Variants in CCDC91 observed in about 807,000 individuals in gnomAD.
The protein encoded by CCDC91 is coiled-coil domain-containing protein 91.
Under a neutral mutation model 63.2 loss-of-function variants are expected in CCDC91, and 48 were observed. That is an observed-to-expected ratio of 0.76 (90% CI 0.60 to 0.97). The LOEUF (loss-of-function observed/expected upper bound fraction) is 0.97. CCDC91 is among the 50% of genes least tolerant of loss of function. The pLI is 0.00. For synonymous variants in CCDC91, 167 were observed against 165.8 expected (o/e 1.01, Z -0.06); for missense variants, 500 against 494.6 (o/e 1.01, Z -0.10).
At chr12:28,460,329 T>G (rs1365479544) in intron 11 of CCDC91, among the ~76,000 whole-genome samples, 1 of 152,132 alleles carries the variant, frequency 6.6e-6, no homozygotes, top group Non-Finnish European at 1.5e-5. Context: ...TAACTGCTTT[T>G]TTTCCCCTCA....
intron 7 of CCDC91, among the ~76,000 whole-genome samples, chr12:28,384,481 A>C (rs763111659): frequency 6.6e-6 from 1 of 152,174 alleles, no homozygotes; most frequent in African/African-American, 2.4e-5. Context: ...TCAATGCTAC[A>C]TATTTTCATT....
intron 7 of CCDC91, among the ~76,000 whole-genome samples, chr12:28,390,853 G>A (rs777893636): frequency 6.6e-6 from 1 of 151,868 alleles, no homozygotes; most frequent in Non-Finnish European, 1.5e-5. Context: ...TTGGCCCATG[G>A]GATATTACAG....
At chr12:28,395,541 C>T (rs1349830072) in intron 8 of CCDC91, among the ~76,000 whole-genome samples, 8 of 152,068 alleles carry the variant, frequency 5.3e-5, no homozygotes, top group Admixed American at 1.3e-4. Context: ...ATTTTACTTA[C>T]GTTTCTTGGT....
intron 6 of CCDC91, among the ~76,000 whole-genome samples, chr12:28,325,253 T>C (rs1337996365): frequency 6.6e-6 from 1 of 152,052 alleles, no homozygotes; most frequent in African/African-American, 2.4e-5. Flanking sequence ...ATACCGTAAG[T>C]GATTTCTTTA....
intron 7 of CCDC91, among the ~76,000 whole-genome samples, chr12:28,385,637 A>G (rs1945551939): frequency 6.6e-6 from 1 of 152,196 alleles, no homozygotes; most frequent in Non-Finnish European, 1.5e-5. Flanking sequence ...TTAGCTATGT[A>G]GGATTCTTTT....
chr12:28,525,033 G>A (rs553736133), intron 12 of CCDC91, among the ~76,000 whole-genome samples: 2 of 151,912 alleles, frequency 1.3e-5, no homozygotes, highest in African/African-American at 4.8e-5. Context: ...TTTATTTATC[G>A]TTTCAAAGAA....
intron 3 of CCDC91, among the ~76,000 whole-genome samples, chr12:28,284,403 G>A (rs1224728410): frequency 2.0e-5 from 3 of 151,696 alleles, no homozygotes; most frequent in Non-Finnish European, 1.5e-5. Flanking sequence ...CTGTAATCCC[G>A]GCACTTTGGG....
At chr12:28,343,396 GGAGA>G (rs1942583732) in intron 6 of CCDC91, among the ~76,000 whole-genome samples, 1 of 151,958 alleles carries the variant, frequency 6.6e-6, no homozygotes, top group African/African-American at 2.4e-5. Flanking sequence ...GGAGCTTGAG[GGAGA>G]GAGTTTGAGA....
At chr12:28,498,242 A>G (rs1458451833) in intron 12 of CCDC91, among the ~76,000 whole-genome samples, 2 of 151,652 alleles carry the variant, frequency 1.3e-5, no homozygotes, top group Admixed American at 1.3e-4. Flanking sequence ...TGAAAATAGC[A>G]TACATATTCA....
intron 8 of CCDC91, among the ~76,000 whole-genome samples, chr12:28,428,925 A>G (rs966199044): frequency 1.3e-5 from 2 of 152,136 alleles, no homozygotes; most frequent in Admixed American, 1.3e-4. Context: ...TCTAATGTCT[A>G]TATAAATTTT....
intron 7 of CCDC91, among the ~76,000 whole-genome samples, chr12:28,364,783 ACTT>A (rs1944165511): frequency 6.6e-6 from 1 of 152,204 alleles, no homozygotes; most frequent in South Asian, 2.1e-4. Flanking sequence ...AAATCATTCC[ACTT>A]CTTGTTCTGT....
chr12:28,514,031 T>C (rs1418870208), intron 12 of CCDC91, among the ~76,000 whole-genome samples: 1 of 151,902 alleles, frequency 6.6e-6, no homozygotes, highest in East Asian at 1.9e-4. Context: ...CTTTGAGGAA[T>C]TGCCCACTTC....
rs575513029 is a variant in CCDC91 at position 28,408,345 on chromosome 12, T to C, written c.762+16934T>C. On this transcript the variant is annotated intron_variant, in intron 8 of 12. Transcript: ENST00000536442. ...GTTTTTACGGCTGCATAGTATTCCA[T>C]AGTATATATGTGTCACATTTTCTTT... Among the ~76,000 whole-genome samples, 13 of 152,336 alleles carry C rather than the reference T, an allele frequency of 8.5e-5. No individual in the cohort carries two copies. The South Asian group carries it at 2.3e-3, about 27-fold the overall frequency.
intron 3 of CCDC91, among the ~76,000 whole-genome samples, chr12:28,300,480 ATAATT>A (rs1937945875): frequency 6.6e-6 from 1 of 150,468 alleles, no homozygotes; most frequent in Non-Finnish European, 1.5e-5. Context: ...ATTGTATAAC[ATAATT>A]TAATACAGCA....
chr12:28,337,861 A>G (rs1442026500), intron 6 of CCDC91, among the ~76,000 whole-genome samples: 4 of 151,968 alleles, frequency 2.6e-5, no homozygotes, highest in Non-Finnish European at 4.4e-5. Context: ...TATTTCTTAT[A>G]AATTTCTATA....
chr12:28,472,385 G>T (rs542893726), intron 11 of CCDC91, among the ~76,000 whole-genome samples: 243 of 152,184 alleles, frequency 1.6e-3, no homozygotes, highest in Non-Finnish European at 3.0e-3. Context: ...AAGGCTTTAT[G>T]GGCTAAGAGG....
At chr12:28,273,635 C>G (rs1273841748) in intron 3 of CCDC91, among the ~76,000 whole-genome samples, 3 of 152,118 alleles carry the variant, frequency 2.0e-5, no homozygotes, top group Non-Finnish European at 4.4e-5. Context: ...GCATAAATGT[C>G]TTCTTTTGAG....
At chr12:28,218,133 A>AT (rs1446467373) in intron 1 of CCDC91, among the ~76,000 whole-genome samples, 1 of 151,992 alleles carries the variant, frequency 6.6e-6, no homozygotes, top group African/African-American at 2.4e-5. Flanking sequence ...TTACATACAC[A>AT]TTGCACATCT....
chr12:28,518,305 T>A (rs560534188), intron 12 of CCDC91, among the ~76,000 whole-genome samples: 18 of 152,084 alleles, frequency 1.2e-4, no homozygotes, highest in African/African-American at 2.6e-4. Flanking sequence ...TATTTTTTTT[T>A]AAATTTCTTA....
Sources: allele counts gnomAD v4.1 joint callset (sites outside exome capture counted in the v4.1 genomes callset), GRCh38; gene constraint gnomAD v4.1.1; transcripts MANE v1.5; gene names NCBI Gene and HGNC (gene_info 2026-07-23, HGNC 2026-07-21).